The following CDH23 variants were observed in gnomAD, a reference collection of about 807,000 sequenced individuals.
CDH23 encodes the protein cadherin-23.
Under a neutral mutation model 317.1 loss-of-function variants are expected in CDH23, and 189 were observed. The ratio of observed to expected loss-of-function variants is 0.60; its 90% CI spans 0.53 to 0.67. The LOEUF is 0.67. Ranked by LOEUF, CDH23 falls within the 30% of genes least tolerant of loss-of-function variation. The pLI is 0.00. For synonymous variants in CDH23, 1,839 were observed against 1,876.8 expected, an observed-to-expected ratio of 0.98 and a Z score of 0.52; for missense variants, 4,401 against 4,592.4, an observed-to-expected ratio of 0.96 and a Z score of 1.20.
chr10:71,642,049 T>C (rs1158224476), intron 11 of CDH23, among the ~76,000 whole-genome samples: 4 of 152,080 alleles, frequency 2.6e-5, no homozygotes, highest in Non-Finnish European at 4.4e-5. Flanking sequence ...TGAGCCAAGA[T>C]TGTACCACTG....
chr10:71,792,329 A>G (rs1334602533), intron 47 of CDH23, among the ~76,000 whole-genome samples: 4 of 152,162 alleles, frequency 2.6e-5, no homozygotes, highest in South Asian at 2.1e-4. Flanking sequence ...AAAAACCAAA[A>G]GAAAATATTA....
intron 1 of CDH23, among the ~76,000 whole-genome samples, chr10:71,417,635 G>A (rs549401083): frequency 7.9e-5 from 12 of 151,948 alleles, no homozygotes; most frequent in African/African-American, 2.2e-4. Context: ...TTTGAGACAA[G>A]TTCTGTCTCT....
chr10:71,588,073 A>G (rs1859203380), intron 9 of CDH23, among the ~76,000 whole-genome samples: 1 of 152,156 alleles, frequency 6.6e-6, no homozygotes, highest in African/African-American at 2.4e-5. Flanking sequence ...TGGGGGCCGT[A>G]GGAGGGAGAC....
intron 62 of CDH23, among the ~76,000 whole-genome samples, chr10:71,810,778 T>A (rs1437518942): frequency 3.9e-5 from 6 of 152,046 alleles, no homozygotes; most frequent in African/African-American, 1.4e-4. Flanking sequence ...CCTCTCCCCA[T>A]CTGTAACATG....
chr10:71,515,358 TC>T (rs1854232817), intron 6 of CDH23, among the ~76,000 whole-genome samples: 2 of 64,654 alleles, frequency 3.1e-5, no homozygotes, highest in South Asian at 1.3e-3. Flanking sequence ...CCTGTCTGTT[TC>T]TCTCTCTCTC....
intron 28 of CDH23, chr10:71,716,047 G>T: frequency 6.6e-7 from 1 of 1,508,210 alleles, no homozygotes; most frequent in Non-Finnish European, 8.9e-7. Flanking sequence ...GCAGGGAGAG[G>T]CGCAAGGAGC....
chr10:71,667,699 G>C (rs1226114931), intron 14 of CDH23, among the ~76,000 whole-genome samples: 2 of 152,076 alleles, frequency 1.3e-5, no homozygotes, highest in East Asian at 3.9e-4. Flanking sequence ...AAAAGGGTGA[G>C]AGATGATGAC....
rs7922011 is a variant in CDH23, at chr10:71,486,107, A to G, written c.146-23975A>G. The stretch of plus-strand genomic sequence containing the variant: ...ATTATGTAGATGTCAGTGACAACTT[A>G]TTGAATGGATAAATGGGAGAATTAA... On this transcript the variant is annotated intron_variant, in intron 3 of 69. Coordinates refer to ENST00000224721, the MANE Select transcript of CDH23 (RefSeq NM_022124.6). Among the ~76,000 whole-genome samples the G allele has an allele frequency of 3.9e-3, 592 of 152,330 alleles. 5 individuals carry two copies. Among genetic ancestry groups the G allele is most frequent in the African/African-American group, 0.014 (565 of 41,566 alleles).
chr10:71,682,217 G>T (rs779297234), intron 17 of CDH23, among the ~76,000 whole-genome samples: 7 of 152,216 alleles, frequency 4.6e-5, no homozygotes, highest in African/African-American at 1.4e-4. Flanking sequence ...TAAAAGTGGG[G>T]CTTACATTAC....
intron 1 of CDH23, among the ~76,000 whole-genome samples, chr10:71,427,295 C>A (rs959213393): frequency 2.0e-5 from 3 of 149,938 alleles, no homozygotes; most frequent in Non-Finnish European, 4.4e-5. Context: ...CAAGCCCATA[C>A]TTTTTAGCTA....
At chr10:71,465,171 C>T (rs76046085) in intron 3 of CDH23, among the ~76,000 whole-genome samples, 214 of 152,354 alleles carry the variant, frequency 1.4e-3, no homozygotes, top group African/African-American at 4.0e-3. Flanking sequence ...AGGTGTTGGG[C>T]AGCCACATGT....
intron 4 of CDH23, 31 bp downstream of exon 4, chr10:71,510,255 C>T (rs993390335): frequency 1.2e-6 from 2 of 1,607,930 alleles, no homozygotes; most frequent in East Asian, 4.5e-5. Flanking sequence ...TGCCCCAATT[C>T]TCTCCTGGGG....
At chr10:71,665,391 C>A (rs2132642543) in intron 14 of CDH23, among the ~76,000 whole-genome samples, 1 of 152,352 alleles carries the variant, frequency 6.6e-6, no homozygotes, top group East Asian at 1.9e-4. Context: ...TCTGTTCCTG[C>A]CCTGGAGTTG....
intron 38 of CDH23, chr10:71,762,130 G>A: frequency 7.5e-7 from 1 of 1,328,660 alleles, no homozygotes; most frequent in Non-Finnish European, 1.0e-6. Context: ...CCAGCCACAG[G>A]CCAGGGGCAT....
At chr10:71,461,086 A>G (rs1850957705) in intron 3 of CDH23, among the ~76,000 whole-genome samples, 1 of 152,236 alleles carries the variant, frequency 6.6e-6, no homozygotes, top group Non-Finnish European at 1.5e-5. Flanking sequence ...CTGGAAGTTC[A>G]GTTCAGCTCA....
At chr10:71,812,084 G>A (rs2133004763) in intron 66 of CDH23, 69 bp downstream of exon 66, 5 of 1,612,012 alleles carry the variant, frequency 3.1e-6, no homozygotes, top group South Asian at 1.1e-5. Context: ...GGGGAGAGCT[G>A]CAGTCTCCCA....
chr10:71,417,646 A>G (rs1053379224), intron 1 of CDH23, among the ~76,000 whole-genome samples: 3 of 151,868 alleles, frequency 2.0e-5, no homozygotes, highest in Non-Finnish European at 2.9e-5. Flanking sequence ...TTCTGTCTCT[A>G]TCACCCAGGT....
chr10:71,704,638 A>G (rs1283850718), intron 24 of CDH23, among the ~76,000 whole-genome samples: 2 of 152,138 alleles, frequency 1.3e-5, no homozygotes, highest in Non-Finnish European at 2.9e-5. Flanking sequence ...AGCGCTGTAG[A>G]GACCTGAGCT....
At chr10:71,785,568 T>C in intron 43 of CDH23, 63 bp from the exon 44 acceptor site, 2 of 1,109,644 alleles carry the variant, frequency 1.8e-6, no homozygotes, top group Non-Finnish European at 2.7e-6. Flanking sequence ...AGTTGGCATC[T>C]GTGGGCCAAA....
Sources: gnomAD v4.1 joint callset for allele counts (sites outside exome capture counted in the v4.1 genomes callset) on GRCh38, gnomAD v4.1.1 for gene constraint, MANE v1.5 for transcripts, NCBI Gene and HGNC (gene_info 2026-07-23, HGNC 2026-07-21) for gene names.